PRDM6: variants seen among roughly 807,000 people sequenced by gnomAD.
PRDM6 encodes putative histone-lysine N-methyltransferase PRDM6.
In PRDM6, 25 loss-of-function variants were observed where a neutral mutation model predicts 60.8. The ratio of observed to expected loss-of-function variants is 0.41; its 90% CI spans 0.30 to 0.57. The LOEUF (loss-of-function observed/expected upper bound fraction) is 0.57, where lower values mean the gene tolerates loss of function less well. PRDM6 is among the 20% of genes least tolerant of loss of function. PRDM6 has a pLI of 0.27. For missense variants in PRDM6, 839 were observed against 821.3 expected (o/e 1.02, Z -0.26); for synonymous variants, 407 against 357.4 (o/e 1.14, Z -1.57).
chr5:123,162,212 A>G (rs2126877375), intron 5 of PRDM6, among the ~76,000 whole-genome samples: 1 of 152,288 alleles, frequency 6.6e-6, no homozygotes, highest in East Asian at 1.9e-4. Context: ...GGAGACTCAT[A>G]TCCACATGGT....
At chr5:123,100,637 A>T (rs775471638) in intron 3 of PRDM6, among the ~76,000 whole-genome samples, 7 of 152,240 alleles carry the variant, frequency 4.6e-5, no homozygotes, top group African/African-American at 9.6e-5. Flanking sequence ...TGTAATCTTC[A>T]TCAATATGGA....
chr5:123,142,877 C>CAAAAAAAAAAAAAAAAA, intron 3 of PRDM6, among the ~76,000 whole-genome samples: 12 of 27,368 alleles, frequency 4.4e-4, no homozygotes, highest in African/African-American at 9.9e-4. Flanking sequence ...CAGTGAAGAC[C>CAAAAAAAAAAAAAAAAA]AAAAAAAAAA....
At chr5:123,130,710 A>G (rs1162721262) in intron 3 of PRDM6, among the ~76,000 whole-genome samples, 2 of 151,982 alleles carry the variant, frequency 1.3e-5, no homozygotes, top group African/African-American at 2.4e-5. Flanking sequence ...GATTACAGGC[A>G]TGCATCACCA....
intron 3 of PRDM6, among the ~76,000 whole-genome samples, chr5:123,120,864 T>C (rs1453690125): frequency 6.6e-6 from 1 of 152,250 alleles, no homozygotes; most frequent in Non-Finnish European, 1.5e-5. Flanking sequence ...TTAGTTAATC[T>C]TTTGGAGCCG....
chr5:123,124,398 C>T (rs772142550), intron 3 of PRDM6, among the ~76,000 whole-genome samples: 1 of 152,112 alleles, frequency 6.6e-6, no homozygotes, highest in Non-Finnish European at 1.5e-5. Context: ...TAAAAGACCT[C>T]GAAGTGTTTT....
At chr5:123,091,711 G>C (rs1409408970) in intron 2 of PRDM6, among the ~76,000 whole-genome samples, 1 of 152,236 alleles carries the variant, frequency 6.6e-6, no homozygotes, top group African/African-American at 2.4e-5. Context: ...CAGATTGAAA[G>C]CAATACAGGA....
At chr5:123,134,958 C>A (rs1343240000) in intron 3 of PRDM6, among the ~76,000 whole-genome samples, 1 of 150,414 alleles carries the variant, frequency 6.6e-6, no homozygotes, top group Non-Finnish European at 1.5e-5. Flanking sequence ...ACAACCAGAT[C>A]TTATCAAAAC....
At chr5:123,181,612 G>T (rs1766164050) in intron 7 of PRDM6, among the ~76,000 whole-genome samples, 1 of 152,124 alleles carries the variant, frequency 6.6e-6, no homozygotes, top group African/African-American at 2.4e-5. Flanking sequence ...TTGAGAAGGA[G>T]AATTAAAAGA....
intron 2 of PRDM6, among the ~76,000 whole-genome samples, chr5:123,092,657 G>T (rs1249446420): frequency 6.6e-6 from 1 of 152,182 alleles, no homozygotes; most frequent in Admixed American, 6.5e-5. Flanking sequence ...CAACTGGATT[G>T]TTTCAGTGTT....
At chr5:123,100,150 A>G (rs981659421) in intron 3 of PRDM6, among the ~76,000 whole-genome samples, 189 bp downstream of exon 3, 3 of 152,218 alleles carry the variant, frequency 2.0e-5, no homozygotes, top group African/African-American at 7.2e-5. Context: ...ACCTGCAGTA[A>G]GGAGGCTGAC....
rs962672474 is a variant in PRDM6, at chr5:123,149,228, T to A, written c.901-6656T>A. Among the ~76,000 whole-genome samples, 4 of 152,214 alleles carry A rather than the reference T, an allele frequency of 2.6e-5. No homozygotes were observed. In the East Asian group the frequency reaches 7.7e-4, roughly 29 times the overall value. ...TTAGTAGGCCACACTGTTGTGGTATTTGCTGTTTTCCTCTCTAGACTGGGG... is the reference window on the plus strand; with the variant it reads ...TTAGTAGGCCACACTGTTGTGGTATATGCTGTTTTCCTCTCTAGACTGGGG... On this transcript the variant is annotated intron_variant, in intron 3 of 7. Transcript: ENST00000407847.
At chr5:123,185,172 G>A (rs1288703456) in intron 7 of PRDM6, among the ~76,000 whole-genome samples, 1 of 152,056 alleles carries the variant, frequency 6.6e-6, no homozygotes, top group East Asian at 1.9e-4. Context: ...CTTATATGAA[G>A]CACTAAACTG....
At chr5:123,089,724 G>C (rs1265062017) in intron 1 of PRDM6, among the ~76,000 whole-genome samples, 2 of 152,228 alleles carry the variant, frequency 1.3e-5, no homozygotes, top group African/African-American at 4.8e-5. Flanking sequence ...GAGTTCTACG[G>C]GGCAGCGCCC....
chr5:123,121,145 T>C (rs546601211), intron 3 of PRDM6, among the ~76,000 whole-genome samples: 2 of 152,326 alleles, frequency 1.3e-5, no homozygotes, highest in Admixed American at 6.5e-5. Flanking sequence ...GGTCCAGTTT[T>C]GCACACTTAA....
At chr5:123,113,767 G>C (rs1032074550) in intron 3 of PRDM6, among the ~76,000 whole-genome samples, 4 of 152,158 alleles carry the variant, frequency 2.6e-5, no homozygotes, top group African/African-American at 7.2e-5. Context: ...TTCTTTTCTA[G>C]GTGGACACTG....
chr5:123,186,000 TGAA>T (rs1275869878), intron 7 of PRDM6, among the ~76,000 whole-genome samples: 2 of 152,212 alleles, frequency 1.3e-5, no homozygotes, highest in African/African-American at 4.8e-5. Flanking sequence ...TAGCTCTTCT[TGAA>T]TATCTTTTTC....
chr5:123,184,927 G>A (rs911880921), intron 7 of PRDM6, among the ~76,000 whole-genome samples: 2 of 152,082 alleles, frequency 1.3e-5, no homozygotes, highest in Non-Finnish European at 2.9e-5. Flanking sequence ...CTACACGTTT[G>A]CTTGTATTTT....
chr5:123,168,005 A>G (rs1297340570), intron 5 of PRDM6, among the ~76,000 whole-genome samples: 1 of 152,182 alleles, frequency 6.6e-6, no homozygotes, highest in African/African-American at 2.4e-5. Context: ...TTCTACCCCA[A>G]TCTCTGACAA....
chr5:123,108,851 A>G (rs1429194681), intron 3 of PRDM6, among the ~76,000 whole-genome samples: 2 of 152,164 alleles, frequency 1.3e-5, no homozygotes, highest in Non-Finnish European at 2.9e-5. Flanking sequence ...GGTAAAAGAT[A>G]TTTGCACTAT....
Sources: gnomAD v4.1 joint callset for allele counts (sites outside exome capture counted in the v4.1 genomes callset) on GRCh38, gnomAD v4.1.1 for gene constraint, MANE v1.5 for transcripts, NCBI Gene and HGNC (gene_info 2026-07-23, HGNC 2026-07-21) for gene names.